Variants in SOX6 observed in about 807,000 individuals in gnomAD.
SOX6 encodes SRY-box transcription factor 6, also known as transcription factor SOX-6.
A neutral mutation model predicts 97.8 loss-of-function variants in SOX6; 11 were observed. The observed-to-expected ratio is 0.11, with a 90% confidence interval of 0.07 to 0.19. SOX6 has a LOEUF of 0.19. Among genes scored for constraint, SOX6 ranks in the 10% least tolerant of loss-of-function variants. The pLI is 1.00. For missense variants in SOX6, 810 were observed against 1,039.5 expected (o/e 0.78, Z 3.04); for synonymous variants, 360 against 371.4 (o/e 0.97, Z 0.35).
At chr11:16,672,298 A>G (rs1446431119) in intron 3 of SOX6, among the ~76,000 whole-genome samples, 1 of 152,236 alleles carries the variant, frequency 6.6e-6, no homozygotes, top group Non-Finnish European at 1.5e-5. Context: ...ACACATATCA[A>G]TACTAACCTA....
At chr11:16,112,911 C>T (rs1377022229) in intron 6 of SOX6, among the ~76,000 whole-genome samples, 1 of 151,954 alleles carries the variant, frequency 6.6e-6, no homozygotes, top group African/African-American at 2.4e-5. Context: ...TAAGATATAC[C>T]AAAAGAAATT....
chr11:16,618,092 A>G (rs1488636893), intron 3 of SOX6, among the ~76,000 whole-genome samples: 2 of 151,914 alleles, frequency 1.3e-5, no homozygotes, highest in Non-Finnish European at 2.9e-5. Flanking sequence ...TCACTGTGAG[A>G]GATATTCTGT....
At chr11:16,177,086 G>C (rs1851208961) in intron 6 of SOX6, among the ~76,000 whole-genome samples, 1 of 151,872 alleles carries the variant, frequency 6.6e-6, no homozygotes. Flanking sequence ...GAAAAACAAA[G>C]AAAGCACATA....
At chr11:16,190,819 G>T (rs962108693) in intron 4 of SOX6, among the ~76,000 whole-genome samples, 1 of 152,058 alleles carries the variant, frequency 6.6e-6, no homozygotes, top group Non-Finnish European at 1.5e-5. Flanking sequence ...GCATTTTTCT[G>T]TTCTGTACCC....
At chr11:16,633,847 A>G (rs2133997754) in intron 3 of SOX6, among the ~76,000 whole-genome samples, 1 of 152,346 alleles carries the variant, frequency 6.6e-6, no homozygotes, top group East Asian at 1.9e-4. Flanking sequence ...AAGGCAAGAG[A>G]AACTTCTCAG....
In SOX6 at chr11:16,148,201, C is replaced by T. The variant is rs77390661; in HGVS notation, c.777+35685G>A. ...GCAATTTAAAGTATATTCTGCCAAT[C>T]AGTTGTTGAGTTAGACCACCCATAG... On this transcript the variant is annotated intron_variant, in intron 6 of 15. Coordinates refer to ENST00000683767, the MANE Select transcript of SOX6 (RefSeq NM_001367873.1). 1.7e-4 allele frequency among the ~76,000 whole-genome samples: 26 copies of T among 152,240 alleles called. No individual in the cohort carries two copies. The East Asian group carries it at 5.0e-3, about 29-fold the overall frequency.
At chr11:16,094,405 A>T (rs1443504549) in intron 9 of SOX6, among the ~76,000 whole-genome samples, 1 of 151,900 alleles carries the variant, frequency 6.6e-6, no homozygotes, top group Non-Finnish European at 1.5e-5. Context: ...GATTGATGGG[A>T]TAGAACACAA....
Position 16,423,280 on chromosome 11 carries a change from C to T in SOX6, c.-5+53035G>A, listed in dbSNP as rs139071298. On this transcript the variant is annotated intron_variant, in intron 1 of 15. Coordinates refer to the SOX6 transcript ENST00000396356. ...GTACTTTGCATGACCTGCTCTCTCA[C>T]TTTGTTCAGGTGTCTCTTCAAATCT... Among the ~76,000 whole-genome samples the T allele has an allele frequency of 7.5e-3, 1,148 of 152,284 alleles. 13 individuals are homozygous for T. The highest frequency in any genetic ancestry group is 0.026 in the African/African-American group (1,090 of 41,552).
At chr11:16,445,639 G>A (rs1310146885) in intron 1 of SOX6, among the ~76,000 whole-genome samples, 5 of 151,910 alleles carry the variant, frequency 3.3e-5, no homozygotes, top group Non-Finnish European at 5.9e-5. Flanking sequence ...TTTAATCCAA[G>A]GTCATCCTAT....
chr11:16,588,500 T>C (rs1848118695), intron 4 of SOX6, among the ~76,000 whole-genome samples: 1 of 152,124 alleles, frequency 6.6e-6, no homozygotes, highest in South Asian at 2.1e-4. Flanking sequence ...TACTGTCCTT[T>C]CCCAGCTTCT....
At chr11:16,631,991 GT>G (rs779370915) in intron 3 of SOX6, among the ~76,000 whole-genome samples, 1 of 152,136 alleles carries the variant, frequency 6.6e-6, no homozygotes, top group Non-Finnish European at 1.5e-5. Flanking sequence ...TGCTTGAGAA[GT>G]TTATTTGCAT....
chr11:16,312,759 A>G (rs1855640997), intron 3 of SOX6: 1 of 152,136 alleles, frequency 6.6e-6, no homozygotes, highest in Non-Finnish European at 1.5e-5. Context: ...TAAAGTATTC[A>G]TTTTCTGTCG....
chr11:16,287,862 T>G (rs1483945596), intron 3 of SOX6, among the ~76,000 whole-genome samples: 6 of 152,134 alleles, frequency 3.9e-5, no homozygotes. Context: ...AGGTGGTTCC[T>G]AAGTTTCCCA....
chr11:16,035,285 G>T (rs1359025960), intron 12 of SOX6, among the ~76,000 whole-genome samples: 1 of 152,174 alleles, frequency 6.6e-6, no homozygotes, highest in East Asian at 1.9e-4. Flanking sequence ...AAACTTTGAA[G>T]TCTCTCAAGT....
chr11:16,717,892 G>A (rs116028714), intron 2 of SOX6, among the ~76,000 whole-genome samples: 1 of 148,242 alleles, frequency 6.7e-6, no homozygotes, highest in Non-Finnish European at 1.5e-5. Flanking sequence ...CTTTTCTTCT[G>A]GCTCAGAAAT....
chr11:16,324,650 G>A (rs1422808772), intron 2 of SOX6, among the ~76,000 whole-genome samples: 2 of 152,088 alleles, frequency 1.3e-5, no homozygotes, highest in Non-Finnish European at 2.9e-5. Flanking sequence ...AGCATATAAT[G>A]TGTAATGATC....
intron 3 of SOX6, among the ~76,000 whole-genome samples, chr11:16,294,515 C>T (rs527558794): frequency 1.3e-5 from 2 of 152,160 alleles, no homozygotes; most frequent in African/African-American, 2.4e-5. Flanking sequence ...AATCATCCTA[C>T]ATTAAGTGTT....
At chr11:15,982,498 C>T (rs764369565) in intron 15 of SOX6, among the ~76,000 whole-genome samples, 2 of 151,974 alleles carry the variant, frequency 1.3e-5, no homozygotes, top group Non-Finnish European at 2.9e-5. Flanking sequence ...AGGACCCCCA[C>T]AGATAACAAA....
At chr11:16,601,042 T>C (rs1848262628) in intron 4 of SOX6, among the ~76,000 whole-genome samples, 2 of 152,058 alleles carry the variant, frequency 1.3e-5, no homozygotes. Context: ...TTATTTTCCT[T>C]ATTAGGAAAA....
Sources: gnomAD v4.1 joint callset for allele counts (sites outside exome capture counted in the v4.1 genomes callset) on GRCh38, gnomAD v4.1.1 for gene constraint, MANE v1.5 for transcripts, NCBI Gene and HGNC (gene_info 2026-07-23, HGNC 2026-07-21) for gene names.